WDPCP: variants seen among roughly 807,000 people sequenced by gnomAD.
The protein encoded by WDPCP is WD repeat containing planar cell polarity effector.
A neutral mutation model predicts 93.1 loss-of-function variants in WDPCP; 71 were observed. That is an observed-to-expected ratio of 0.76 (90% confidence interval 0.63 to 0.93). The LOEUF is 0.93. Ranked by LOEUF, WDPCP falls within the 40% of genes least tolerant of loss-of-function variation. The pLI, the probability that WDPCP is intolerant of heterozygous loss-of-function variation, is 0.00. For missense variants in WDPCP, 844 were observed against 887.4 expected (o/e 0.95, Z 0.62); for synonymous variants, 315 against 315.0 (o/e 1.00, Z 0.00).
intron 14 of WDPCP, among the ~76,000 whole-genome samples, chr2:63,240,062 T>C (rs1679743682): frequency 6.6e-6 from 1 of 152,158 alleles, no homozygotes; most frequent in Non-Finnish European, 1.5e-5. Context: ...CAGACTCTTC[T>C]GTATCTTTAT....
chr2:63,628,886 A>G (rs1378415805), intron 3 of WDPCP, among the ~76,000 whole-genome samples: 1 of 152,220 alleles, frequency 6.6e-6, no homozygotes, highest in Non-Finnish European at 1.5e-5. Context: ...TGGAGCTGGA[A>G]TGGGCTTCAC....
chr2:63,342,938 T>C (rs1688947657), intron 12 of WDPCP, among the ~76,000 whole-genome samples: 1 of 152,128 alleles, frequency 6.6e-6, no homozygotes, highest in Non-Finnish European at 1.5e-5. Context: ...TCCCTCATCT[T>C]TTATCTAGAA....
chr2:63,489,160 A>T (rs939003334), intron 2 of WDPCP, among the ~76,000 whole-genome samples: 3 of 152,158 alleles, frequency 2.0e-5, no homozygotes, highest in Admixed American at 2.0e-4. Flanking sequence ...ACAGGGAAGG[A>T]GTAGCCACAG....
intron 3 of WDPCP, among the ~76,000 whole-genome samples, chr2:63,596,997 A>C (rs1709326353): frequency 6.6e-6 from 1 of 152,184 alleles, no homozygotes; most frequent in African/African-American, 2.4e-5. Flanking sequence ...ATTATTTTTA[A>C]ATTTGTGATT....
intron 3 of WDPCP, among the ~76,000 whole-genome samples, chr2:63,608,224 A>G (rs1016509714): frequency 6.6e-6 from 1 of 152,190 alleles, no homozygotes; most frequent in African/African-American, 2.4e-5. Context: ...CACTGGAGGT[A>G]TTACTTTTTA....
chr2:63,488,137 A>C (rs1474138753), intron 2 of WDPCP, among the ~76,000 whole-genome samples: 1 of 152,140 alleles, frequency 6.6e-6, no homozygotes, highest in East Asian at 1.9e-4. Context: ...TCCAGTTTAA[A>C]TATAAGAGAA....
At chr2:63,594,449 G>C (rs201353649) in intron 3 of WDPCP, 7 of 1,315,264 alleles carry the variant, frequency 5.3e-6, no homozygotes, top group Middle Eastern at 3.6e-4. Context: ...TTAAGGTACA[G>C]TAGTACTTAA....
intron 13 of WDPCP, among the ~76,000 whole-genome samples, chr2:63,297,666 G>A (rs1379192128): frequency 1.3e-5 from 2 of 152,126 alleles, no homozygotes; most frequent in South Asian, 2.1e-4. Context: ...TGTTATAGGG[G>A]TGTAAGACAG....
the WDPCP span, among the ~76,000 whole-genome samples, chr2:63,833,685 G>C: frequency 1.9e-4 from 29 of 152,258 alleles, no homozygotes; most frequent in Non-Finnish European, 3.2e-4. Context: ...TCTAGACCCA[G>C]AATCTAGACT....
In WDPCP at chr2:63,409,247, C is replaced by A. The variant is rs567809648; in HGVS notation, c.826-4590G>T. On this transcript the variant is annotated intron_variant, in intron 9 of 17. Coordinates refer to ENST00000272321, the MANE Select transcript of WDPCP (RefSeq NM_015910.7). ...GACTCTGTGCAGACAACCCCCAGTA[C>A]CAGACCAGAGCCAGGTAGACTTCCT... 1.4e-4 allele frequency among the ~76,000 whole-genome samples: 21 copies of A among 152,284 alleles called. 1 individual carries two copies. The highest frequency in any genetic ancestry group is 4.8e-4 in the African/African-American group (20 of 41,548).
chr2:63,435,294 T>C (rs565153805), intron 8 of WDPCP, among the ~76,000 whole-genome samples: 1 of 152,298 alleles, frequency 6.6e-6, no homozygotes, highest in East Asian at 1.9e-4. Context: ...AGAATTAAAC[T>C]ATGGTACAGC....
At chr2:63,721,692 C>T (rs542813708) in intron 2 of WDPCP, among the ~76,000 whole-genome samples, 1 of 150,880 alleles carries the variant, frequency 6.6e-6, no homozygotes, top group Admixed American at 6.6e-5. Context: ...ATGCTCCCTG[C>T]CCTCCCGCTC....
intron 2 of WDPCP, among the ~76,000 whole-genome samples, chr2:63,801,496 G>A (rs747646740): frequency 6.6e-6 from 1 of 152,206 alleles, no homozygotes; most frequent in Non-Finnish European, 1.5e-5. Context: ...GGTGGACCCA[G>A]CGGGTTCCTG....
In WDPCP at chr2:63,551,084, A is replaced by C. The variant is rs529804082; in HGVS notation, c.75+37113T>G. Among the ~76,000 whole-genome samples, 5 of 152,334 alleles carry C rather than the reference A, an allele frequency of 3.3e-5. No individual in the cohort carries two copies. In the South Asian group the frequency reaches 1.0e-3, roughly 32 times the overall value. ...AAGTCTACCTTATAAATGTCTTTCA[A>C]AATGATCTAAATCTCTTCTCTGAAA... is the stretch of plus-strand genomic sequence containing the variant. On this transcript the variant is annotated intron_variant, in intron 1 of 17. Coordinates refer to ENST00000272321, the MANE Select transcript of WDPCP (RefSeq NM_015910.7).
At chr2:63,178,174 T>C (rs954362403) in intron 14 of WDPCP, among the ~76,000 whole-genome samples, 2 of 152,200 alleles carry the variant, frequency 1.3e-5, no homozygotes, top group African/African-American at 4.8e-5. Context: ...CGTTGGTCTG[T>C]AGTTTTCTTT....
intron 10 of WDPCP, among the ~76,000 whole-genome samples, chr2:63,390,123 T>C (rs1453224116): frequency 6.6e-6 from 1 of 152,114 alleles, no homozygotes; most frequent in Non-Finnish European, 1.5e-5. Context: ...GCACTTATTC[T>C]AAAATTGACG....
In WDPCP at chr2:63,588,240, G is replaced by A. The variant is rs370726731; in HGVS notation, c.32C>T (p.Ser11Phe). Residue 11 changes from serine (S) to phenylalanine (F), a missense_variant, in exon 1 of 18, where the codon TCC becomes TTC. Transcript: ENST00000272321. Reference sequence around the variant, plus strand: ...AGAAGCGCGACTCCCGGCCGCTTTGGAGTAGGCGTCCCAGCAAAACTCTCG... The same window carrying A: ...AGAAGCGCGACTCCCGGCCGCTTTGAAGTAGGCGTCCCAGCAAAACTCTCG... The part of the protein sequence containing the change: MRREFCWDAY[S>F]KAAGSRASSP... 8.9e-6 allele frequency: 14 copies of A among 1,578,724 alleles called. No homozygotes were observed. Among genetic ancestry groups the A allele is most frequent in the Non-Finnish European group, 1.2e-5 (14 of 1,159,890 alleles).
intron 9 of WDPCP, among the ~76,000 whole-genome samples, chr2:63,418,963 T>C (rs1695636914): frequency 6.6e-6 from 1 of 152,198 alleles, no homozygotes; most frequent in Non-Finnish European, 1.5e-5. Context: ...GTCCAGTGTT[T>C]TGTTTTTCTT....
chr2:63,127,540 T>A (rs1559138657), intron 17 of WDPCP, among the ~76,000 whole-genome samples: 2 of 151,926 alleles, frequency 1.3e-5, no homozygotes, highest in Non-Finnish European at 2.9e-5. Context: ...GATAAACTTA[T>A]GATAGAAGTA....
Sources: allele counts gnomAD v4.1 joint callset (sites outside exome capture counted in the v4.1 genomes callset), GRCh38; gene constraint gnomAD v4.1.1; transcripts MANE v1.5; gene names NCBI Gene and HGNC (gene_info 2026-07-23, HGNC 2026-07-21).